The following NACA variants were observed in gnomAD, a reference collection of about 807,000 sequenced individuals.
NACA encodes the protein nascent polypeptide associated complex subunit alpha.
Under a neutral mutation model 86.4 loss-of-function variants are expected in NACA, and 42 were observed. The observed-to-expected ratio is 0.49, with a 90% CI of 0.38 to 0.63. The LOEUF is 0.63. Among genes scored for constraint, NACA ranks in the 20% least tolerant of loss-of-function variants. NACA has a pLI of 0.00. For missense variants in NACA, 2,157 were observed against 2,483.6 expected (o/e 0.87, Z 2.80); for synonymous variants, 898 against 973.7 (o/e 0.92, Z 1.45).
intron 2 of NACA, among the ~76,000 whole-genome samples, chr12:56,723,985 T>C (rs1024164236): frequency 1.3e-5 from 2 of 152,144 alleles, no homozygotes; most frequent in East Asian, 3.9e-4. Context: ...TGGGGCCCAG[T>C]AGGACACATT....
rs767891304 is a variant in NACA, at chr12:56,721,310, C to A, written c.220G>T (p.Ala74Ser). The change falls in exon 3 of 9, where the codon GCC becomes TCC. Residue 74 changes from alanine (A) to serine (S), a missense_variant. Ala to Ser is a moderately conservative substitution (Grantham distance 99). This residue lies in a region of NACA where 947 missense variants were observed against 917.9 expected (regional missense o/e 1.03). Coordinates refer to ENST00000454682, the MANE Select transcript of NACA (RefSeq NM_001365896.1). ...ASPFPSPSTI[A>S]STPLEVPFPQ... ...AAAGGAACTTCTAAAGGGGTCGAGG[C>A]AATAGTAGAGGGGGAAGGGAATGGG... 4 of 1,597,868 alleles carry A rather than the reference C, an allele frequency of 2.5e-6. No homozygotes were observed. The highest frequency in any genetic ancestry group is 3.4e-6 in the Non-Finnish European group (4 of 1,173,034).
At chr12:56,722,411 C>A (rs1953596353) in intron 2 of NACA, among the ~76,000 whole-genome samples, 1 of 152,132 alleles carries the variant, frequency 6.6e-6, no homozygotes, top group Non-Finnish European at 1.5e-5. Flanking sequence ...ATTGGAGAGC[C>A]TGTAACAGTG....
chr12:56,714,576 A>G lies in NACA; in HGVS notation c.5745+26T>C, dbSNP rs374457680. On this transcript the variant is annotated intron_variant, in intron 4 of 8. Coordinates refer to ENST00000454682, the MANE Select transcript of NACA (RefSeq NM_001365896.1). ...TGATCAACCCTGCTTCTTTGACCCAATACCAGTTAGTAAGAGAATACCCAC... is the reference window on the plus strand; with the variant it reads ...TGATCAACCCTGCTTCTTTGACCCAGTACCAGTTAGTAAGAGAATACCCAC... 2.5e-6 allele frequency: 4 copies of G among 1,613,050 alleles called. No homozygotes were observed. The African/African-American group carries it at 4.0e-5, about 16-fold the overall frequency.
chr12:56,717,452 G>A lies in NACA; in HGVS notation c.4078C>T (p.Pro1360Ser). Residue 1360 changes from proline (P) to serine (S), a missense_variant, in exon 3 of 9, where the codon CCA becomes TCA. Pro to Ser is a moderately conservative substitution (Grantham distance 74). Transcript: ENST00000454682. Reference sequence around the variant, plus strand: ...CCCTCTTTGGAGGATGGAGTAGTTGGGCCTCCTTTAGAGGAGGGAGTTGTA... The same window carrying A: ...CCCTCTTTGGAGGATGGAGTAGTTGAGCCTCCTTTAGAGGAGGGAGTTGTA... ...PATTPSSKGG[P>S]TTPSSKEGPT... The A allele has an allele frequency of 1.4e-6, 2 of 1,387,478 alleles. No homozygotes were observed. The highest frequency in any genetic ancestry group is 1.9e-6 in the Non-Finnish European group (2 of 1,044,292). The allele number at this position is 1,387,478 out of a possible 1,614,324, so 85.9% of individuals were successfully genotyped here. A position where few individuals can be genotyped will look rare whatever the true frequency, so the allele number is the denominator to read the frequency against.
At position 56,719,628 on chromosome 12, in the gene NACA, C is replaced by T. The variant is rs749549995; in HGVS notation, c.1902G>A (p.Pro634=). 6.8e-6 allele frequency: 11 copies of T among 1,613,836 alleles called. No homozygotes were observed. Among genetic ancestry groups the T allele is most frequent in the Admixed American group, 3.3e-5 (2 of 60,022 alleles). ...GGGTAATGAGAGAACTTTTGAGAAG[C>T]GGACCAGCAGAGTCTGGGCCTGCAT... ...DSYAGPDSAG[P]LLKSSLITPT... is the part of the protein sequence containing the mutation. The change falls in exon 3 of 9, where the codon CCG becomes CCA. Residue 634 remains proline, a synonymous_variant. Transcript: ENST00000454682.
Position 56,719,875 on chromosome 12 carries a change from G to GT in NACA, c.1654dup (p.Thr552AsnfsTer17). ...TAATACAGTAGGGTCTTTCTTGGTG[G>GT]TGAGTCCTGCTTGGGCTGGAGAGAA... On this transcript the variant is annotated frameshift_variant, in exon 3 of 9. Transcript: ENST00000454682. LOFTEE classifies it high-confidence loss of function. The GT allele has an allele frequency of 6.2e-7, 1 of 1,613,952 alleles. No homozygotes were observed.
chr12:56,714,005 G>A (rs1200714736), intron 5 of NACA: 3 of 382,656 alleles, frequency 7.8e-6, no homozygotes, highest in Non-Finnish European at 9.5e-6. Flanking sequence ...ACCATGCCCT[G>A]CTATATATTT....
chr12:56,723,061 T>A (rs1953616993), intron 2 of NACA, among the ~76,000 whole-genome samples: 1 of 152,162 alleles, frequency 6.6e-6, no homozygotes, highest in Admixed American at 6.5e-5. Context: ...CTACCAAACA[T>A]AATGAATCAG....
intron 5 of NACA, 27 bp downstream of exon 5, chr12:56,714,335 G>A (rs1290737653): frequency 2.5e-6 from 4 of 1,609,024 alleles, no homozygotes; most frequent in Non-Finnish European, 3.4e-6. Context: ...TGCTTCATAA[G>A]ATCCTGAAAT....
chr12:56,724,384 G>A, intron 2 of NACA, 68 bp downstream of exon 2: 5 of 1,484,492 alleles, frequency 3.4e-6, no homozygotes, highest in Non-Finnish European at 4.6e-6. Context: ...TTTCCCCTTG[G>A]TCATTTTGCC....
In NACA at chr12:56,717,443, G is replaced by T. The variant is rs561780372; in HGVS notation, c.4087C>A (p.Pro1363Thr). The T allele has an allele frequency of 6.5e-6, 9 of 1,392,248 alleles. No homozygotes were observed. The highest frequency in any genetic ancestry group is 1.2e-5 in the South Asian group (1 of 81,590). The allele number at this position is 1,392,248 out of a possible 1,614,324, so 86.2% of individuals were successfully genotyped here. A position where few individuals can be genotyped will look rare whatever the true frequency, so the allele number is the denominator to read the frequency against. ...GGAGTGGGGCCCTCTTTGGAGGATG[G>T]AGTAGTTGGGCCTCCTTTAGAGGAG... ...TPSSKGGPTT[P>T]SSKEGPTPPA... The change falls in exon 3 of 9, where the codon CCA (proline) becomes ACA (threonine). Residue 1363 changes from proline to threonine, a missense_variant. By Grantham distance (38) the Pro-to-Thr change is conservative. Transcript: ENST00000454682.
At position 56,718,955 on chromosome 12, in the gene NACA, G is replaced by C. The variant is rs751683482; in HGVS notation, c.2575C>G (p.Pro859Ala). The C allele has an allele frequency of 4.1e-6, 6 of 1,446,986 alleles. No individual in the cohort carries two copies. In the South Asian group the frequency reaches 6.8e-5, roughly 16 times the overall value. The allele number at this position is 1,446,986 out of a possible 1,614,324, so 89.6% of individuals were successfully genotyped here. A position where few individuals can be genotyped will look rare whatever the true frequency, so the allele number is the denominator to read the frequency against. ...GGAGTAGGGGCCCCTTTGGGGGATG[G>C]AGGAGTGGGAGAATGCGTCGTGGCT... ...SPATTHSPTP[P>A]SPKGAPTPSA... is the part of the protein sequence containing the mutation. The change falls in exon 3 of 9, where the codon CCA becomes GCA. Residue 859 changes from proline (P) to alanine (A), a missense_variant. Physicochemically the swap from Pro to Ala is conservative, Grantham distance 27. Transcript: ENST00000454682.
chr12:56,723,183 T>C (rs1046141296), intron 2 of NACA, among the ~76,000 whole-genome samples: 3 of 152,214 alleles, frequency 2.0e-5, no homozygotes, highest in African/African-American at 7.2e-5. Flanking sequence ...TTCATTCTAA[T>C]AGACTATCAT....
In NACA at chr12:56,721,123, G is replaced by A. The variant is rs554973931; in HGVS notation, c.407C>T (p.Pro136Leu). The A allele has an allele frequency of 1.9e-6, 3 of 1,613,878 alleles. No homozygotes were observed. Among genetic ancestry groups the A allele is most frequent in the South Asian group, 1.1e-5 (1 of 91,076 alleles). ...TLKGTPSSSA[P>L]LALVALAPHS... ...GGGAGCCAGGGCAACCAGAGCTAAGGGAGCTGAAGAGGAAGGGGTCCCTTT... is the reference window on the plus strand; with the variant it reads ...GGGAGCCAGGGCAACCAGAGCTAAGAGAGCTGAAGAGGAAGGGGTCCCTTT... Residue 136 changes from proline to leucine, a missense_variant, in exon 3 of 9, where the codon CCC becomes CTC. Pro to Leu is a moderately conservative substitution (Grantham distance 98). This residue lies in a region of NACA where 947 missense variants were observed against 917.9 expected (regional missense o/e 1.03). Transcript: ENST00000454682.
At chr12:56,724,373 A>G in intron 2 of NACA, 79 bp downstream of exon 2, 2 of 1,427,724 alleles carry the variant, frequency 1.4e-6, no homozygotes, top group Admixed American at 2.2e-5. Flanking sequence ...TAAAAAGTGT[A>G]TTTCCCCTTG....
chr12:56,720,266 T>C lies in NACA; in HGVS notation c.1264A>G (p.Thr422Ala). The change falls in exon 3 of 9, where the codon ACT becomes GCT. Residue 422 changes from threonine (T) to alanine (A), a missense_variant. Coordinates refer to ENST00000454682, the MANE Select transcript of NACA (RefSeq NM_001365896.1). ...TGGGCCACTAAAGGATAATGATAAGTGGCATTAGGAGAGCTTTTGAGAATG... is the reference window on the plus strand; with the variant it reads ...TGGGCCACTAAAGGATAATGATAAGCGGCATTAGGAGAGCTTTTGAGAATG... ...SLILKSSPNA[T>A]YHYPLVAQMP... 6 of 1,613,872 alleles carry C rather than the reference T, an allele frequency of 3.7e-6. No homozygotes were observed. The highest frequency in any genetic ancestry group is 5.1e-6 in the Non-Finnish European group (6 of 1,179,880).
intron 1 of NACA, 44 bp from the exon 2 acceptor site, chr12:56,724,567 C>T: frequency 6.4e-7 from 1 of 1,572,660 alleles, no homozygotes; most frequent in Non-Finnish European, 8.7e-7. Flanking sequence ...GATTGGGATA[C>T]ATTCACTTGC....
chr12:56,720,955 G>A lies in NACA; in HGVS notation c.575C>T (p.Pro192Leu), dbSNP rs372575337. 1.2e-6 allele frequency: 2 copies of A among 1,614,012 alleles called. No individual in the cohort carries two copies. Among genetic ancestry groups the A allele is most frequent in the South Asian group, 1.1e-5 (1 of 91,086 alleles). ...SEPKTNLNKV[P>L]SEVVPNPKGT... ...TTTTGGATTAGGGACTACCTCAGAG[G>A]GAACTTTATTAAGATTAGTCTTTGG... is the stretch of plus-strand genomic sequence containing the variant. The change falls in exon 3 of 9, where the codon CCC (proline) becomes CTC (leucine). Residue 192 changes from proline (P) to leucine (L), a missense_variant. Physicochemically the swap from Pro to Leu is moderately conservative, Grantham distance 98. Coordinates refer to ENST00000454682, the MANE Select transcript of NACA (RefSeq NM_001365896.1).
intron 8 of NACA, 77 bp from the exon 9 acceptor site, chr12:56,712,629 A>C (rs1477709137): frequency 6.3e-7 from 1 of 1,597,366 alleles, no homozygotes; most frequent in East Asian, 2.2e-5. Flanking sequence ...TCTTACAGGC[A>C]AATCAGGAGA....
Sources: allele counts gnomAD v4.1 joint callset (sites outside exome capture counted in the v4.1 genomes callset), GRCh38; gene constraint gnomAD v4.1.1; regional missense constraint gnomAD v4.1.1; transcripts MANE v1.5; gene names NCBI Gene and HGNC (gene_info 2026-07-23, HGNC 2026-07-21).